Variants in EPM2A observed in about 807,000 individuals in gnomAD.
EPM2A encodes the protein laforin.
A neutral mutation model predicts 26.5 loss-of-function variants in EPM2A; 21 were observed. That is an observed-to-expected ratio of 0.79 (90% CI 0.56 to 1.14). EPM2A has a LOEUF of 1.14. Among genes scored for constraint, EPM2A ranks in the 50% most tolerant of loss-of-function variants. The pLI is 0.00. For synonymous variants in EPM2A, 217 were observed against 177.6 expected (o/e 1.22, Z -1.76); for missense variants, 458 against 440.8 (o/e 1.04, Z -0.35).
intron 2 of EPM2A, among the ~76,000 whole-genome samples, chr6:145,521,660 A>T (rs1780203568): frequency 6.6e-6 from 1 of 152,240 alleles, no homozygotes; most frequent in African/African-American, 2.4e-5. Context: ...TAGTAAAAAG[A>T]CAGTAGATGA....
chr6:145,554,435 G>A (rs1458576267), intron 2 of EPM2A, among the ~76,000 whole-genome samples: 7 of 143,930 alleles, frequency 4.9e-5, no homozygotes, highest in African/African-American at 2.0e-4. Flanking sequence ...TAGATAGATA[G>A]ATAGATAGAT....
At chr6:145,421,593 A>G (rs534490863) in intron 4 of EPM2A, among the ~76,000 whole-genome samples, 1 of 152,184 alleles carries the variant, frequency 6.6e-6, no homozygotes, top group East Asian at 1.9e-4. Flanking sequence ...TCACAGTTCA[A>G]TAAGAGGTTA....
rs1462341550 is a variant in EPM2A, at chr6:145,466,373, G to C, written c.555+36149C>G. On this transcript the variant is annotated intron_variant, in intron 4 of 4. Transcript: ENST00000638717. ...TTCTCAAAGGAAGACATTTATGCAG[G>C]CAAAAAACACATGAAAAAATGCTCA... is the stretch of plus-strand genomic sequence containing the variant. Among the ~76,000 whole-genome samples the C allele has an allele frequency of 2.1e-3, 327 of 152,128 alleles. 1 individual carries two copies. The highest frequency in any genetic ancestry group is 7.3e-3 in the African/African-American group (301 of 41,474).
intron 4 of EPM2A, among the ~76,000 whole-genome samples, chr6:145,478,033 A>G (rs1217297459): frequency 1.3e-5 from 2 of 151,970 alleles, no homozygotes; most frequent in Non-Finnish European, 2.9e-5. Flanking sequence ...GGAAAAACCT[A>G]AAGATTCCAC....
chr6:145,657,578 C>T (rs2128584343), intron 2 of EPM2A, among the ~76,000 whole-genome samples: 1 of 152,200 alleles, frequency 6.6e-6, no homozygotes, highest in Admixed American at 6.5e-5. Flanking sequence ...TTCCTTTATT[C>T]AGTTTCCTCC....
At chr6:145,473,898 C>A (rs1779507697) in intron 4 of EPM2A, among the ~76,000 whole-genome samples, 1 of 152,042 alleles carries the variant, frequency 6.6e-6, no homozygotes, top group African/African-American at 2.4e-5. Context: ...CAGAGCTGTC[C>A]TCCAAGAAAT....
chr6:145,679,768 A>G (rs2128607931), intron 2 of EPM2A, among the ~76,000 whole-genome samples: 1 of 152,296 alleles, frequency 6.6e-6, no homozygotes, highest in Middle Eastern at 3.4e-3. Context: ...TGAACATAAA[A>G]GATTGGAAAG....
intron 2 of EPM2A, among the ~76,000 whole-genome samples, chr6:145,541,115 G>A (rs1780500753): frequency 2.0e-5 from 3 of 151,562 alleles, no homozygotes; most frequent in African/African-American, 7.3e-5. Flanking sequence ...AAAAAAGCAT[G>A]TATGAAAACA....
chr6:145,417,790 T>A (rs1353438022), intron 4 of EPM2A, among the ~76,000 whole-genome samples: 1 of 151,298 alleles, frequency 6.6e-6, no homozygotes, highest in African/African-American at 2.4e-5. Context: ...GAATCGTGAA[T>A]GCAGAAAGTC....
At chr6:145,689,165 T>C (rs1045831998) in intron 1 of EPM2A, among the ~76,000 whole-genome samples, 1 of 152,258 alleles carries the variant, frequency 6.6e-6, no homozygotes, top group African/African-American at 2.4e-5. Flanking sequence ...TACACATTTA[T>C]GTTTTAGGCA....
At chr6:145,581,012 A>G (rs1781105443) in intron 2 of EPM2A, among the ~76,000 whole-genome samples, 1 of 152,172 alleles carries the variant, frequency 6.6e-6, no homozygotes, top group Non-Finnish European at 1.5e-5. Flanking sequence ...AGAATGATTT[A>G]TATTCCTTTG....
intron 2 of EPM2A, among the ~76,000 whole-genome samples, chr6:145,537,412 A>G: frequency 6.6e-6 from 1 of 152,158 alleles, no homozygotes; most frequent in East Asian, 1.9e-4. Context: ...AAATACTCTG[A>G]TAATTATACT....
intron 4 of EPM2A, among the ~76,000 whole-genome samples, chr6:145,485,838 G>A (rs1779664141): frequency 6.6e-6 from 1 of 152,178 alleles, no homozygotes; most frequent in African/African-American, 2.4e-5. Flanking sequence ...CACGTCTCAC[G>A]TGGCGGCAGA....
intron 4 of EPM2A, among the ~76,000 whole-genome samples, chr6:145,494,592 G>T (rs1408535218): frequency 6.6e-6 from 1 of 152,074 alleles, no homozygotes; most frequent in African/African-American, 2.4e-5. Context: ...GTTAACTTGA[G>T]ATCTTTCTAT....
chr6:145,491,292 C>G (rs867127245), intron 4 of EPM2A: 1 of 348,672 alleles, frequency 2.9e-6, no homozygotes, highest in African/African-American at 2.1e-5. Context: ...TCATTGGAAC[C>G]GGTTGCACTC....
intron 2 of EPM2A, among the ~76,000 whole-genome samples, chr6:145,647,792 T>C (rs1777594892): frequency 6.6e-6 from 1 of 152,190 alleles, no homozygotes; most frequent in Admixed American, 6.5e-5. Context: ...AGAGGGTTCA[T>C]TCAGCTATCA....
chr6:145,677,010 T>A (rs963093722), intron 2 of EPM2A, among the ~76,000 whole-genome samples: 1 of 152,168 alleles, frequency 6.6e-6, no homozygotes. Flanking sequence ...ATATCCCTGA[T>A]GAACATCGAT....
At chr6:145,728,367 C>T (rs532870437) in intron 1 of EPM2A, among the ~76,000 whole-genome samples, 2 of 152,238 alleles carry the variant, frequency 1.3e-5, no homozygotes, top group Admixed American at 6.5e-5. Flanking sequence ...CCTGGAGACT[C>T]GTTGAATGGT....
chr6:145,451,815 G>C (rs1165261751), intron 4 of EPM2A, among the ~76,000 whole-genome samples: 1 of 152,152 alleles, frequency 6.6e-6, no homozygotes, highest in African/African-American at 2.4e-5. Context: ...CAGTAAATAT[G>C]AATGTATATC....
Sources: allele counts gnomAD v4.1 joint callset (sites outside exome capture counted in the v4.1 genomes callset), GRCh38; gene constraint gnomAD v4.1.1; transcripts MANE v1.5; gene names NCBI Gene and HGNC (gene_info 2026-07-23, HGNC 2026-07-21).